Variants in JAM3 observed in about 807,000 individuals in gnomAD.
JAM3 encodes the protein junctional adhesion molecule C.
In JAM3, 31 loss-of-function variants were observed where a neutral mutation model predicts 39.4. The observed-to-expected ratio is 0.79, with a 90% CI of 0.59 to 1.06. The LOEUF is 1.06. JAM3 is among the 50% of genes least tolerant of loss of function. JAM3 has a pLI of 0.00. For missense variants in JAM3, 455 were observed against 391.4 expected (o/e 1.16, Z -1.37); for synonymous variants, 182 against 148.7 (o/e 1.22, Z -1.63).
chr11:134,138,594 C>T (rs1042722644), intron 1 of JAM3, among the ~76,000 whole-genome samples: 1 of 152,222 alleles, frequency 6.6e-6, no homozygotes, highest in East Asian at 1.9e-4. Flanking sequence ...TCACTGGGCG[C>T]TTTCATTTTG....
At chr11:134,083,963 T>C (rs984764772) in intron 1 of JAM3, among the ~76,000 whole-genome samples, 2 of 152,208 alleles carry the variant, frequency 1.3e-5, no homozygotes, top group African/African-American at 4.8e-5. Flanking sequence ...TAAAGAAATA[T>C]TACCTTTTTT....
At chr11:134,069,290 C>T (rs1223648549) in intron 1 of JAM3, 131 bp downstream of exon 1, 1 of 1,274,796 alleles carries the variant, frequency 7.8e-7, no homozygotes, top group South Asian at 1.3e-5. Flanking sequence ...GGGTCCCGGG[C>T]CGGAGGGGCG....
intron 1 of JAM3, among the ~76,000 whole-genome samples, chr11:134,131,779 C>T (rs941321129): frequency 1.3e-5 from 2 of 152,078 alleles, no homozygotes; most frequent in Admixed American, 6.6e-5. Context: ...AATTTTGGAA[C>T]TGAAAATACA....
In JAM3 at chr11:134,103,101, G is replaced by T. The variant is rs1049378926; in HGVS notation, c.76+33942G>T. Among the ~76,000 whole-genome samples the T allele has an allele frequency of 3.3e-5, 5 of 152,154 alleles. No individual in the cohort carries two copies. In the East Asian group the frequency reaches 7.7e-4, roughly 23 times the overall value. On this transcript the variant is annotated intron_variant, in intron 1 of 8. Transcript: ENST00000299106. ...TGAAATGAAGGAAAAAATGTTAAGG[G>T]CAGCCAGAGAGAAAGGTCAGGTTAT...
chr11:134,070,130 T>C (rs549321729), intron 1 of JAM3: 3 of 456,080 alleles, frequency 6.6e-6, no homozygotes, highest in Non-Finnish European at 1.3e-5. Context: ...GTTTACTCCT[T>C]TCAGCAGCTC....
chr11:134,123,758 C>T, intron 1 of JAM3: 1 of 652,956 alleles, frequency 1.5e-6, no homozygotes, highest in East Asian at 2.7e-5. Flanking sequence ...TCCAGATTCA[C>T]ATTTCCAGGT....
At chr11:134,114,372 G>A (rs1471564604) in intron 1 of JAM3, among the ~76,000 whole-genome samples, 1 of 152,156 alleles carries the variant, frequency 6.6e-6, no homozygotes, top group Non-Finnish European at 1.5e-5. Flanking sequence ...AAGGTGTGAG[G>A]AACGGATCCA....
intron 1 of JAM3, among the ~76,000 whole-genome samples, chr11:134,097,381 T>C (rs149913183): frequency 4.6e-5 from 7 of 152,352 alleles, no homozygotes; most frequent in African/African-American, 1.4e-4. Context: ...TGGCCACTCT[T>C]CTACAGCACT....
chr11:134,092,029 TTAAG>T (rs1306713669), intron 1 of JAM3, among the ~76,000 whole-genome samples: 4 of 152,150 alleles, frequency 2.6e-5, no homozygotes, highest in African/African-American at 9.7e-5. Context: ...CTAAATATAA[TTAAG>T]TATACTACTC....
chr11:134,145,244 A>G (rs932712428), intron 5 of JAM3: 52 of 564,912 alleles, frequency 9.2e-5, no homozygotes, highest in Admixed American at 3.3e-4. Flanking sequence ...AGCAAATGTT[A>G]CTAGGGCCCT....
At chr11:134,116,930 C>T (rs575759320) in intron 1 of JAM3, among the ~76,000 whole-genome samples, 3 of 152,214 alleles carry the variant, frequency 2.0e-5, no homozygotes, top group East Asian at 3.9e-4. Flanking sequence ...ATGTGAGAAA[C>T]TTGGCTGTCA....
chr11:134,099,124 C>G (rs938822997), intron 1 of JAM3, among the ~76,000 whole-genome samples: 1 of 152,104 alleles, frequency 6.6e-6, no homozygotes, highest in Non-Finnish European at 1.5e-5. Context: ...TTACCTGAGC[C>G]TGGGGTTTCG....
At chr11:134,088,993 G>A (rs1463536709) in intron 1 of JAM3, among the ~76,000 whole-genome samples, 1 of 152,170 alleles carries the variant, frequency 6.6e-6, no homozygotes, top group African/African-American at 2.4e-5. Context: ...GGTTTGGGAG[G>A]TGTCAGTTCA....
At chr11:134,111,762 C>A (rs1344948408) in intron 1 of JAM3, among the ~76,000 whole-genome samples, 2 of 152,124 alleles carry the variant, frequency 1.3e-5, no homozygotes, top group Non-Finnish European at 1.5e-5. Flanking sequence ...TCCATATAAA[C>A]AATAAAAAGG....
At chr11:134,141,513 C>T (rs920424506) in intron 3 of JAM3, among the ~76,000 whole-genome samples, 14 of 151,972 alleles carry the variant, frequency 9.2e-5, no homozygotes, top group Non-Finnish European at 1.6e-4. Context: ...GAATGCCAGG[C>T]GAGCATGGGC....
In JAM3 at chr11:134,148,536, C is replaced by T. The variant is rs758441523; in HGVS notation, c.713-11C>T. 3 of 1,614,138 alleles carry T rather than the reference C, an allele frequency of 1.9e-6. No individual in the cohort carries two copies. Among genetic ancestry groups the T allele is most frequent in the Admixed American group, 1.7e-5 (1 of 60,018 alleles). ...TGTATCATGGCTTCCACCAAACCTC[C>T]TTTTCTTCAGATGACCTGAACATTG... On this transcript the variant is annotated splice_polypyrimidine_tract_variant and intron_variant, in intron 6 of 8. Coordinates refer to ENST00000299106, the MANE Select transcript of JAM3 (RefSeq NM_032801.5).
intron 1 of JAM3, among the ~76,000 whole-genome samples, chr11:134,117,104 G>GTGC (rs1321083416): frequency 6.6e-6 from 1 of 151,884 alleles, no homozygotes; most frequent in Non-Finnish European, 1.5e-5. Context: ...GCTCATGCCT[G>GTGC]TAATCCCAGC....
intron 6 of JAM3, chr11:134,148,017 G>A (rs1029905985): frequency 8.7e-5 from 16 of 184,714 alleles, no homozygotes; most frequent in African/African-American, 2.6e-4. Flanking sequence ...TCCTCTCAGA[G>A]GGCTTATAGA....
intron 1 of JAM3, among the ~76,000 whole-genome samples, chr11:134,080,175 A>G (rs2120589734): frequency 6.6e-6 from 1 of 152,332 alleles, no homozygotes; most frequent in Non-Finnish European, 1.5e-5. Flanking sequence ...TCTAGCTGAT[A>G]AGTCCACTGG....
Sources: allele counts gnomAD v4.1 joint callset (sites outside exome capture counted in the v4.1 genomes callset), GRCh38; gene constraint gnomAD v4.1.1; transcripts MANE v1.5; gene names NCBI Gene and HGNC (gene_info 2026-07-23, HGNC 2026-07-21).